The following TASP1 variants were observed in gnomAD, a reference collection of about 807,000 sequenced individuals.
The protein encoded by TASP1 is threonine aspartase 1.
Under a neutral mutation model 56.6 loss-of-function variants are expected in TASP1, and 16 were observed. The observed-to-expected ratio is 0.28, with a 90% confidence interval of 0.19 to 0.43. The LOEUF is 0.43. Ranked by LOEUF, TASP1 falls within the 20% of genes least tolerant of loss-of-function variation. TASP1 has a pLI of 1.00. For missense variants in TASP1, 393 were observed against 511.6 expected, an observed-to-expected ratio of 0.77 and a Z score of 2.24; for synonymous variants, 179 against 184.2, an observed-to-expected ratio of 0.97 and a Z score of 0.23.
Position 13,390,253 on chromosome 20 carries a change from A to G in TASP1, c.*107T>C. On this transcript the variant is annotated 3_prime_UTR_variant, in exon 14 of 14. Coordinates refer to ENST00000337743, the MANE Select transcript of TASP1 (RefSeq NM_017714.3). ...GTCTCGAGCAGTGCACGAGGTTGCA[A>G]TAGGAATTATAAAACAAGAAAGATA... The G allele has an allele frequency of 8.8e-6, 9 of 1,018,850 alleles. No individual in the cohort carries two copies. The highest frequency in any genetic ancestry group is 8.6e-5 in the South Asian group (6 of 69,478). 63.1% of individuals were successfully genotyped at this position (1,018,850 alleles called of 1,614,324 possible).
At chr20:13,307,861 T>C in the TASP1 span, among the ~76,000 whole-genome samples, 1 of 152,218 alleles carries the variant, frequency 6.6e-6, no homozygotes, top group African/African-American at 2.4e-5. Flanking sequence ...GTTTCTAGAT[T>C]GGGGCTTTCA....
the TASP1 span, among the ~76,000 whole-genome samples, chr20:13,249,277 T>C: frequency 1.3e-5 from 2 of 152,188 alleles, no homozygotes; most frequent in African/African-American, 4.8e-5. Flanking sequence ...AGCCTGCCCA[T>C]TTCACAGATG....
At chr20:13,289,759 T>C in the TASP1 span, among the ~76,000 whole-genome samples, 1 of 152,032 alleles carries the variant, frequency 6.6e-6, no homozygotes, top group Non-Finnish European at 1.5e-5. Context: ...TCTGACCCTT[T>C]AAAAAAGGCT....
At chr20:13,430,087 G>A (rs940358792) in intron 12 of TASP1, among the ~76,000 whole-genome samples, 10 of 152,108 alleles carry the variant, frequency 6.6e-5, no homozygotes, top group African/African-American at 1.4e-4. Flanking sequence ...AAAAGGACAC[G>A]CATCATATTT....
At chr20:13,259,598 AATG>A in the TASP1 span, among the ~76,000 whole-genome samples, 3 of 152,238 alleles carry the variant, frequency 2.0e-5, no homozygotes, top group Non-Finnish European at 4.4e-5. Flanking sequence ...TAGTGGGGAA[AATG>A]ATGATGAAGT....
At chr20:13,230,755 AG>A in the TASP1 span, among the ~76,000 whole-genome samples, 42 of 151,504 alleles carry the variant, frequency 2.8e-4, 1 homozygote, top group African/African-American at 7.5e-4. Flanking sequence ...AGAAAAAAAA[AG>A]AAAAGAAAAG....
chr20:13,457,236 G>A (rs546433206), intron 11 of TASP1, among the ~76,000 whole-genome samples: 3 of 151,926 alleles, frequency 2.0e-5, no homozygotes, highest in Middle Eastern at 3.4e-3. Context: ...AAACCTGCAC[G>A]TTATGCACAT....
chr20:13,630,382 C>T (rs868794886), intron 1 of TASP1, among the ~76,000 whole-genome samples: 11 of 152,102 alleles, frequency 7.2e-5, no homozygotes, highest in Non-Finnish European at 1.6e-4. Context: ...TTAAATCTCT[C>T]TGTCCACTGA....
intron 4 of TASP1, chr20:13,614,866 T>A (rs1484632928): frequency 6.4e-6 from 3 of 466,586 alleles, no homozygotes; most frequent in Non-Finnish European, 1.3e-5. Context: ...GAAATTGTCC[T>A]TTCCACATGA....
chr20:13,216,697 A>T, the TASP1 span, among the ~76,000 whole-genome samples: 17 of 152,330 alleles, frequency 1.1e-4, no homozygotes, highest in South Asian at 6.2e-4. Context: ...CACATTTTTT[A>T]AAAAAGTTTA....
the TASP1 span, chr20:13,299,626 GGGACT>G: frequency 5.8e-6 from 4 of 693,858 alleles, no homozygotes; most frequent in South Asian, 9.3e-5. This position sits in a 1 kb window ranked among gnomAD's most constrained non-coding sequence, Gnocchi z 5.8. Flanking sequence ...CCACGCCCAG[GGGACT>G]GCCTTGTGAA....
At chr20:13,491,757 C>T (rs889303450) in intron 10 of TASP1, among the ~76,000 whole-genome samples, 1 of 152,076 alleles carries the variant, frequency 6.6e-6, no homozygotes, top group Admixed American at 6.6e-5. Flanking sequence ...ATCTTCATTG[C>T]ATTTCTAGAT....
At chr20:13,221,363 G>A in the TASP1 span, among the ~76,000 whole-genome samples, 3 of 148,108 alleles carry the variant, frequency 2.0e-5, no homozygotes, top group Non-Finnish European at 3.0e-5. Context: ...TGCGCTCGGG[G>A]GCTCGGCTGC....
chr20:13,359,144 C>T, the TASP1 span, among the ~76,000 whole-genome samples: 6 of 140,658 alleles, frequency 4.3e-5, 1 homozygote, highest in African/African-American at 1.8e-4. Flanking sequence ...ATCTCTGCGC[C>T]CCAGCCACAT....
chr20:13,444,343 A>C (rs6109885), intron 11 of TASP1, among the ~76,000 whole-genome samples: 8,908 of 152,168 alleles, frequency 0.059, 362 homozygotes, highest in African/African-American at 0.12. Context: ...CCTTTCAATG[A>C]ATTTCTGTGC....
intron 8 of TASP1, among the ~76,000 whole-genome samples, chr20:13,539,368 T>C (rs548535491): frequency 9.0e-4 from 137 of 152,038 alleles, no homozygotes; most frequent in African/African-American, 3.2e-3. Flanking sequence ...GTGGTCAACA[T>C]AGCAGACCCT....
At chr20:13,299,173 G>T in the TASP1 span, 170 of 1,607,864 alleles carry the variant, frequency 1.1e-4, no homozygotes, top group Non-Finnish European at 1.3e-4. This position sits in a 1 kb window ranked among gnomAD's most constrained non-coding sequence, Gnocchi z 5.8. Flanking sequence ...TACTGCATCC[G>T]CTCCATGCTG....
intron 6 of TASP1, 59 bp downstream of exon 6, chr20:13,580,838 C>A: frequency 1.3e-6 from 2 of 1,549,258 alleles, no homozygotes; most frequent in Non-Finnish European, 1.8e-6. Context: ...ACAGCATCAG[C>A]CTTCTGTGGA....
chr20:13,342,740 A>G, the TASP1 span, among the ~76,000 whole-genome samples: 2 of 152,166 alleles, frequency 1.3e-5, no homozygotes, highest in Non-Finnish European at 2.9e-5. Flanking sequence ...AAGTTTGCAA[A>G]GGGCCTTGGA....
Sources: allele counts gnomAD v4.1 joint callset (sites outside exome capture counted in the v4.1 genomes callset), GRCh38; gene constraint gnomAD v4.1.1; non-coding constraint Gnocchi (gnomAD v3.1); transcripts MANE v1.5; gene names NCBI Gene and HGNC (gene_info 2026-07-23, HGNC 2026-07-21).